Variants in INPP4B observed in about 807,000 individuals in gnomAD.
The protein encoded by INPP4B is inositol polyphosphate 4-phosphatase type II.
Under a neutral mutation model 122.5 loss-of-function variants are expected in INPP4B, and 55 were observed. The observed-to-expected ratio is 0.45, with a 90% CI of 0.36 to 0.56. The LOEUF (loss-of-function observed/expected upper bound fraction) is 0.56, where lower values mean the gene tolerates loss of function less well. INPP4B is among the 20% of genes least tolerant of loss of function. The pLI, the probability that INPP4B is intolerant of heterozygous loss-of-function variation, is 0.00. For missense variants in INPP4B, 1,000 were observed against 1,097.7 expected, an observed-to-expected ratio of 0.91 and a Z score of 1.26; for synonymous variants, 403 against 388.7, an observed-to-expected ratio of 1.04 and a Z score of -0.43.
At chr4:142,566,414 T>A (rs926793931) in intron 2 of INPP4B, among the ~76,000 whole-genome samples, 5 of 151,990 alleles carry the variant, frequency 3.3e-5, no homozygotes, top group Middle Eastern at 3.4e-3. Flanking sequence ...GAAAAAAGAG[T>A]CTTATTTACT....
chr4:142,253,446 G>T (rs1230608324), intron 11 of INPP4B, among the ~76,000 whole-genome samples: 1 of 152,240 alleles, frequency 6.6e-6, no homozygotes, highest in Non-Finnish European at 1.5e-5. Flanking sequence ...GAGGTACCGG[G>T]TTCATCTCAC....
At chr4:142,721,053 T>C (rs1351089305) in intron 2 of INPP4B, among the ~76,000 whole-genome samples, 1 of 151,220 alleles carries the variant, frequency 6.6e-6, no homozygotes, top group Non-Finnish European at 1.5e-5. Flanking sequence ...GATCACTTTG[T>C]CTTCAATGAT....
At chr4:142,244,916 T>C (rs1727142699) in intron 11 of INPP4B, among the ~76,000 whole-genome samples, 1 of 152,220 alleles carries the variant, frequency 6.6e-6, no homozygotes, top group Admixed American at 6.5e-5. Flanking sequence ...ATGATTGCCA[T>C]TCTAACTGGC....
chr4:142,647,596 G>A (rs372054091), intron 2 of INPP4B, among the ~76,000 whole-genome samples: 3 of 152,294 alleles, frequency 2.0e-5, no homozygotes. Flanking sequence ...CCTGCTTGCT[G>A]ATAACCATGT....
intron 2 of INPP4B, among the ~76,000 whole-genome samples, chr4:142,584,751 T>C (rs1253684352): frequency 6.6e-6 from 1 of 152,168 alleles, no homozygotes; most frequent in East Asian, 1.9e-4. Flanking sequence ...CCTATGGTAG[T>C]TTTTTGGGGA....
chr4:142,488,536 A>G (rs1407610763), intron 2 of INPP4B, among the ~76,000 whole-genome samples: 2 of 152,108 alleles, frequency 1.3e-5, no homozygotes, highest in Non-Finnish European at 2.9e-5. Context: ...AATGTTTTGA[A>G]TTCCAAATGT....
At chr4:142,191,531 T>A (rs550077367) in intron 15 of INPP4B, among the ~76,000 whole-genome samples, 1 of 152,152 alleles carries the variant, frequency 6.6e-6, no homozygotes, top group Non-Finnish European at 1.5e-5. Context: ...CCTTCCCCCA[T>A]GGGGCCTATG....
At chr4:142,258,062 A>G (rs908086546) in intron 11 of INPP4B, among the ~76,000 whole-genome samples, 1 of 152,002 alleles carries the variant, frequency 6.6e-6, no homozygotes, top group Non-Finnish European at 1.5e-5. Flanking sequence ...ATCTACAACT[A>G]TCTGATCTTT....
chr4:142,245,822 A>G (rs936838308), intron 11 of INPP4B, among the ~76,000 whole-genome samples: 5 of 123,462 alleles, frequency 4.0e-5, no homozygotes, highest in South Asian at 2.7e-4. Context: ...GTATACATAT[A>G]TGTGTATGTA....
At chr4:142,050,433 A>T (rs1274596235) in intron 25 of INPP4B, among the ~76,000 whole-genome samples, 1 of 152,064 alleles carries the variant, frequency 6.6e-6, no homozygotes, top group Admixed American at 6.6e-5. Flanking sequence ...AAAAACAAAA[A>T]AGATTATTAG....
intron 2 of INPP4B, among the ~76,000 whole-genome samples, chr4:142,573,171 C>T (rs1241477651): frequency 6.6e-6 from 1 of 151,924 alleles, no homozygotes. Context: ...GAAAGTGCCA[C>T]ATACCTTTAA....
chr4:142,733,798 T>C (rs1766431304), intron 1 of INPP4B, among the ~76,000 whole-genome samples: 1 of 152,164 alleles, frequency 6.6e-6, no homozygotes, highest in African/African-American at 2.4e-5. Context: ...ACAACAATAT[T>C]CTCAGTAGCA....
chr4:142,633,176 G>C (rs2150434059), intron 2 of INPP4B, among the ~76,000 whole-genome samples: 1 of 151,450 alleles, frequency 6.6e-6, no homozygotes, highest in East Asian at 1.9e-4. Flanking sequence ...AACAACAAAA[G>C]GTTTAATTCA....
intron 2 of INPP4B, among the ~76,000 whole-genome samples, chr4:142,492,000 C>G (rs1821937861): frequency 6.6e-6 from 1 of 152,132 alleles, no homozygotes; most frequent in African/African-American, 2.4e-5. Flanking sequence ...CCCCATGTGT[C>G]TTGGGAGGGA....
intron 2 of INPP4B, among the ~76,000 whole-genome samples, chr4:142,501,459 G>A (rs1463786413): frequency 6.6e-6 from 1 of 152,016 alleles, no homozygotes; most frequent in Non-Finnish European, 1.5e-5. Flanking sequence ...AAGTGAAGAA[G>A]TGAATTATCA....
rs192925246 is a variant in INPP4B, at chr4:142,825,048, T to C, written c.-254+21161A>G. Among the ~76,000 whole-genome samples, 445 of 152,268 alleles carry C rather than the reference T, an allele frequency of 2.9e-3. 1 individual carries two copies. The highest frequency in any genetic ancestry group is 5.2e-3 in the Non-Finnish European group (355 of 67,996). On this transcript the variant is annotated intron_variant, in intron 1 of 25. Transcript: ENST00000262992. The stretch of plus-strand genomic sequence containing the variant: ...GCACTGCATCCTTGGATTTGTGTGC[T>C]AGTTCTCACTGATGAACTAAAGTAC...
At chr4:142,708,150 G>A (rs953578378) in intron 2 of INPP4B, among the ~76,000 whole-genome samples, 3 of 152,172 alleles carry the variant, frequency 2.0e-5, no homozygotes, top group Non-Finnish European at 4.4e-5. Context: ...AAGCAGCAAA[G>A]CATTCAAGAT....
intron 16 of INPP4B, among the ~76,000 whole-genome samples, chr4:142,161,787 T>G (rs1820239930): frequency 6.6e-6 from 1 of 151,948 alleles, no homozygotes; most frequent in Non-Finnish European, 1.5e-5. Flanking sequence ...GATCATAAAA[T>G]TTTAGAGGTG....
At chr4:142,053,834 A>G (rs764447830) in intron 25 of INPP4B, among the ~76,000 whole-genome samples, 4 of 152,096 alleles carry the variant, frequency 2.6e-5, no homozygotes, top group Non-Finnish European at 5.9e-5. Flanking sequence ...CATAGACTCC[A>G]GTGACCATTC....
Sources: gnomAD v4.1 joint callset for allele counts (sites outside exome capture counted in the v4.1 genomes callset) on GRCh38, gnomAD v4.1.1 for gene constraint, MANE v1.5 for transcripts, NCBI Gene and HGNC (gene_info 2026-07-23, HGNC 2026-07-21) for gene names.